Variants in IL17RC observed in about 807,000 individuals in gnomAD.
IL17RC encodes the protein interleukin-17 receptor C.
A neutral mutation model predicts 86.7 loss-of-function variants in IL17RC; 53 were observed. The observed-to-expected ratio is 0.61, with a 90% CI of 0.49 to 0.77. The LOEUF (loss-of-function observed/expected upper bound fraction) is 0.77, where lower values mean the gene tolerates loss of function less well. Among genes scored for constraint, IL17RC ranks in the 30% least tolerant of loss-of-function variants. The pLI, the probability that IL17RC is intolerant of heterozygous loss-of-function variation, is 0.00. For missense variants in IL17RC, 957 were observed against 940.0 expected, an observed-to-expected ratio of 1.02 and a Z score of -0.24; for synonymous variants, 439 against 413.1, an observed-to-expected ratio of 1.06 and a Z score of -0.76.
Position 9,930,555 on chromosome 3 carries a change from C to A in IL17RC, c.1338+96C>A. On this transcript the variant is annotated intron_variant, in intron 15 of 18. Coordinates refer to ENST00000403601, the MANE Select transcript of IL17RC (RefSeq NM_153460.4). This position sits in a 1 kb window ranked among gnomAD's most constrained non-coding sequence, Gnocchi z 5.8. ...TGTCTATTTAGGCTTATTTTATGTT[C>A]AGCCCTGGGAAAGTTAAGAGTAGAA... 1.6e-6 allele frequency: 2 copies of A among 1,252,430 alleles called. No homozygotes were observed. Among genetic ancestry groups the A allele is most frequent in the Non-Finnish European group, 2.3e-6 (2 of 878,348 alleles). The allele number at this position is 1,252,430 out of a possible 1,614,324, so 77.6% of individuals were successfully genotyped here.
chr3:9,928,601 C>A lies in IL17RC; in HGVS notation c.1081C>A (p.Leu361Met). 6.2e-7 allele frequency: 1 copy of A among 1,613,780 alleles called. No individual in the cohort carries two copies. Reference protein sequence around the residue: ...TVDKVLEFPLLKGHPNLCVQV... With the variant: ...TVDKVLEFPLMKGHPNLCVQV... The stretch of plus-strand genomic sequence containing the variant: ...ACAGAAGGTTCTCGAGTTCCCATTG[C>A]TGAAAGGCCACCCTAACCTCTGTGT... Residue 361 changes from leucine (L) to methionine (M), a missense_variant, in exon 12 of 19, where the codon CTG (leucine) becomes ATG (methionine). Coordinates refer to ENST00000403601, the MANE Select transcript of IL17RC (RefSeq NM_153460.4).
chr3:9,926,348 T>A (rs1158271975), intron 9 of IL17RC, among the ~76,000 whole-genome samples: 1 of 152,072 alleles, frequency 6.6e-6, no homozygotes, highest in East Asian at 1.9e-4. Context: ...CATTTTTTAA[T>A]GTTTTGTGGC....
chr3:9,924,024 A>G lies in IL17RC; in HGVS notation c.762+4A>G, dbSNP rs1182379009. ...ACCCCGGTGGCACAAAAACCTGGTG[A>G]GGCCTCCCCCTTCCCAAGTCCATTC... On this transcript the variant is annotated splice_donor_region_variant and intron_variant, in intron 8 of 18. Transcript: ENST00000403601. The G allele has an allele frequency of 6.2e-7, 1 of 1,613,364 alleles. No homozygotes were observed. The highest frequency in any genetic ancestry group is 1.3e-5 in the African/African-American group (1 of 74,930).
chr3:9,918,607 G>A lies in IL17RC; in HGVS notation c.463G>A (p.Val155Met). 6.2e-7 allele frequency: 1 copy of A among 1,603,676 alleles called. No individual in the cohort carries two copies. The highest frequency in any genetic ancestry group is 8.5e-7 in the Non-Finnish European group (1 of 1,170,804). Residue 155 changes from valine (V) to methionine (M), a missense_variant and splice_region_variant, in exon 5 of 19, where the codon GTG (valine) becomes ATG (methionine). Physicochemically the swap from Val to Met is conservative, Grantham distance 21. Transcript: ENST00000403601. ...TGCCCTTGTGCAGTTTGGTCAGTCT[G>A]TGGTATGCAAAATAATAATAATCAC... ...PAALVQFGQS[V>M]GSVVYDCFEA...
chr3:9,933,423 G>T lies in IL17RC; in HGVS notation c.1993G>T (p.Ala665Ser). 1 of 1,613,214 alleles carries T rather than the reference G, an allele frequency of 6.2e-7. No homozygotes were observed. Among genetic ancestry groups the T allele is most frequent in the Non-Finnish European group, 8.5e-7 (1 of 1,179,818 alleles). ...CTCCCAACTGCCAGACTTCCTGGGG[G>T]CCCTGCAGCAGCCTCGCGCCCCGCG... ...LPSQLPDFLGALQQPRAPRSG... is the reference protein window; with the variant it reads ...LPSQLPDFLGSLQQPRAPRSG... The change falls in exon 19 of 19, where the codon GCC becomes TCC. Residue 665 changes from alanine (A) to serine (S), a missense_variant. Physicochemically the swap from Ala to Ser is moderately conservative, Grantham distance 99 (BLOSUM62 1). Coordinates refer to ENST00000403601, the MANE Select transcript of IL17RC (RefSeq NM_153460.4).
intron 18 of IL17RC, 27 bp downstream of exon 18, chr3:9,932,885 G>C (rs757062328): frequency 1.9e-6 from 3 of 1,591,136 alleles, no homozygotes; most frequent in Non-Finnish European, 2.6e-6. Context: ...GCTGGGCGGA[G>C]GGCCGCCCCC....
chr3:9,918,460 C>T (rs777114159), intron 4 of IL17RC, 40 bp from the exon 5 acceptor site: 81 of 1,608,594 alleles, frequency 5.0e-5, no homozygotes, highest in Middle Eastern at 3.3e-4. Context: ...CCTGGCCTGC[C>T]GCTCCTGGGC....
Position 9,928,231 on chromosome 3 carries a change from C to T in IL17RC, c.877+11C>T, listed in dbSNP as rs200861273. ...GCCCCTTCAGGGAGGGTGAGCCGACCGGCCTGGGGCTGGGGTTGGGGTGTT... is the reference window on the plus strand; with the variant it reads ...GCCCCTTCAGGGAGGGTGAGCCGACTGGCCTGGGGCTGGGGTTGGGGTGTT... On this transcript the variant is annotated intron_variant, in intron 10 of 18. Coordinates refer to ENST00000403601, the MANE Select transcript of IL17RC (RefSeq NM_153460.4). 2.4e-3 allele frequency: 3,866 copies of T among 1,590,760 alleles called. 10 individuals carry two copies. The highest frequency in any genetic ancestry group is 2.8e-3 in the Non-Finnish European group (3,317 of 1,175,832).
At position 9,933,296 on chromosome 3, in the gene IL17RC, G is replaced by A. The variant is rs760474237; in HGVS notation, c.1866G>A (p.Gln622=). ...SLSCVLPDFL[Q]GRAPGSYVGA... is the part of the protein sequence containing the mutation. ...GCTGCGTGCTGCCCGACTTCTTGCA[G>A]GGCCGGGCGCCCGGCAGCTACGTGG... The change falls in exon 19 of 19, where the codon CAG becomes CAA. Residue 622 remains glutamine, a synonymous_variant. Coordinates refer to ENST00000403601, the MANE Select transcript of IL17RC (RefSeq NM_153460.4). 1.9e-6 allele frequency: 3 copies of A among 1,604,354 alleles called. No individual in the cohort carries two copies. The highest frequency in any genetic ancestry group is 3.4e-5 in the Admixed American group (2 of 58,932).
At chr3:9,918,184 TG>T in intron 3 of IL17RC, 109 bp downstream of exon 3, 1 of 1,351,460 alleles carries the variant, frequency 7.4e-7, no homozygotes, top group Non-Finnish European at 1.0e-6. Context: ...AGTGTTCTCC[TG>T]GAGGACACCA....
chr3:9,931,492 T>C (rs1039787909), intron 16 of IL17RC, among the ~76,000 whole-genome samples: 4 of 143,712 alleles, frequency 2.8e-5, no homozygotes, highest in Non-Finnish European at 4.6e-5. Context: ...TATATATATA[T>C]ATATATATAT....
At chr3:9,926,437 A>G (rs191325716) in intron 9 of IL17RC, among the ~76,000 whole-genome samples, 55 of 152,360 alleles carry the variant, frequency 3.6e-4, no homozygotes, top group African/African-American at 1.2e-3. Context: ...ACAGATGCTC[A>G]ATAAATATTA....
Position 9,931,470 on chromosome 3 carries a change from C to CACATATATAT in IL17RC, c.1387+528_1387+529insCATATATATA, listed in dbSNP as rs750351615. Among the ~76,000 whole-genome samples, 99 of 43,648 alleles carry CACATATATAT rather than the reference C, an allele frequency of 2.3e-3. 1 individual carries two copies. The highest frequency in any genetic ancestry group is 3.5e-3 in the Admixed American group (12 of 3,464). The allele number at this position is 43,648 out of a possible 152,430, so 28.6% of individuals were successfully genotyped here. On this transcript the variant is annotated intron_variant, in intron 16 of 18. Coordinates refer to ENST00000403601, the MANE Select transcript of IL17RC (RefSeq NM_153460.4). The stretch of plus-strand genomic sequence containing the variant: ...TATATATTTCACACACACACACACA[C>CACATATATAT]ATATATATATATATATATATATATA...
chr3:9,927,595 G>T (rs140696250), intron 9 of IL17RC, among the ~76,000 whole-genome samples: 2 of 151,578 alleles, frequency 1.3e-5, no homozygotes, highest in African/African-American at 4.8e-5. Context: ...ATTATCCAAG[G>T]TCTCTTGTGC....
intron 6 of IL17RC, 73 bp from the exon 7 acceptor site, chr3:9,920,851 TG>T (rs1326316829): frequency 1.5e-6 from 2 of 1,342,598 alleles, no homozygotes; most frequent in Non-Finnish European, 2.1e-6. Context: ...AATGCCCCCC[TG>T]GGAGCCAAAT....
Position 9,930,735 on chromosome 3 carries a change from T to TA in IL17RC, c.1339-159dup, listed in dbSNP as rs1430639312. The TA allele has an allele frequency of 5.3e-6, 4 of 758,998 alleles. No homozygotes were observed. Among genetic ancestry groups the TA allele is most frequent in the African/African-American group, 5.1e-5 (3 of 58,726 alleles). 47.0% of individuals were successfully genotyped at this position (758,998 alleles called of 1,614,324 possible). On this transcript the variant is annotated intron_variant, in intron 15 of 18. Coordinates refer to ENST00000403601, the MANE Select transcript of IL17RC (RefSeq NM_153460.4). This position sits in a 1 kb window ranked among gnomAD's most constrained non-coding sequence, Gnocchi z 5.8. Reference sequence around the variant, plus strand: ...ATTTGGTATGGAAGAAGTCATACCCTAGTCAGTGGGCACAGCACAAAGGCA... The same window carrying TA: ...ATTTGGTATGGAAGAAGTCATACCCTAAGTCAGTGGGCACAGCACAAAGGCA...
At chr3:9,921,540 A>G (rs1027207002) in intron 7 of IL17RC, among the ~76,000 whole-genome samples, 2 of 151,810 alleles carry the variant, frequency 1.3e-5, no homozygotes, top group African/African-American at 4.8e-5. Context: ...CCCACGTACT[A>G]TTTGGATTTT....
intron 17 of IL17RC, 29 bp downstream of exon 17, chr3:9,932,732 T>G: frequency 1.9e-6 from 3 of 1,613,108 alleles, no homozygotes; most frequent in Non-Finnish European, 2.5e-6. Flanking sequence ...CCCATTCCCC[T>G]GGGGGAGGAC....
At chr3:9,928,671 T>G in intron 12 of IL17RC, 41 bp downstream of exon 12, 2 of 1,603,584 alleles carry the variant, frequency 1.2e-6, no homozygotes, top group Non-Finnish European at 1.7e-6. Flanking sequence ...AGGCTGGACC[T>G]GGGCAGACCC....
Sources: gnomAD v4.1 joint callset for allele counts (sites outside exome capture counted in the v4.1 genomes callset) on GRCh38, gnomAD v4.1.1 for gene constraint, Gnocchi (gnomAD v3.1) non-coding constraint, MANE v1.5 for transcripts, NCBI Gene and HGNC (gene_info 2026-07-23, HGNC 2026-07-21) for gene names.